Variants in VPS45 observed in about 807,000 individuals in gnomAD.
The protein encoded by VPS45 is vacuolar protein sorting 45 homolog.
In VPS45, 35 loss-of-function variants were observed where a neutral mutation model predicts 75.9. That is an observed-to-expected ratio of 0.46 (90% CI 0.35 to 0.61). The LOEUF is 0.61. VPS45 is among the 20% of genes least tolerant of loss of function. The pLI is 0.00. For missense variants in VPS45, 559 were observed against 685.9 expected (o/e 0.81, Z 2.07); for synonymous variants, 220 against 238.2 (o/e 0.92, Z 0.70).
chr1:150,140,386 GGTGTGTGTGTGT>G (rs574312693), intron 14 of VPS45, among the ~76,000 whole-genome samples: 65 of 140,430 alleles, frequency 4.6e-4, no homozygotes, highest in South Asian at 9.4e-4. Flanking sequence ...CATCACTTCT[GGTGTGTGTGTGT>G]GTGTGTGTGT....
intron 2 of VPS45, among the ~76,000 whole-genome samples, chr1:150,070,035 C>T (rs1286127989): frequency 6.6e-6 from 1 of 152,054 alleles, no homozygotes; most frequent in Non-Finnish European, 1.5e-5. Context: ...CGCTATATTC[C>T]CCTTGTCCCG....
intron 13 of VPS45, among the ~76,000 whole-genome samples, chr1:150,100,573 C>T (rs1476379894): frequency 2.0e-5 from 3 of 152,194 alleles, no homozygotes; most frequent in Admixed American, 6.5e-5. Flanking sequence ...CGTTACCCAA[C>T]TTCAAACTAT....
chr1:150,145,267 A>T lies in VPS45; in HGVS notation c.*471A>T, dbSNP rs1553816394. Reference sequence around the variant, plus strand: ...CAAAAATTTTTTGTCCCTACATAGCAATTTTCTGTGGCACTGAGAAACCAT... The same window carrying T: ...CAAAAATTTTTTGTCCCTACATAGCTATTTTCTGTGGCACTGAGAAACCAT... On this transcript the variant is annotated 3_prime_UTR_variant, in exon 15 of 15. Coordinates refer to ENST00000644510, the MANE Select transcript of VPS45 (RefSeq NM_007259.5). The T allele has an allele frequency of 5.5e-6, 1 of 181,658 alleles. No homozygotes were observed. Among genetic ancestry groups the T allele is most frequent in the East Asian group, 1.3e-4 (1 of 7,648 alleles). The allele number at this position is 181,658 out of a possible 1,614,324, so 11.3% of individuals were successfully genotyped here.
At chr1:150,113,815 A>C (rs1657777585) in intron 14 of VPS45, among the ~76,000 whole-genome samples, 1 of 151,920 alleles carries the variant, frequency 6.6e-6, no homozygotes, top group East Asian at 1.9e-4. Context: ...AGAATGCTTG[A>C]ACCTGGGAGG....
intron 14 of VPS45, among the ~76,000 whole-genome samples, chr1:150,122,084 G>A (rs1658264163): frequency 6.6e-6 from 1 of 152,116 alleles, no homozygotes; most frequent in African/African-American, 2.4e-5. Context: ...ACTTTGGGGG[G>A]CCAAGGCGGC....
Position 150,096,134 on chromosome 1 carries a change from G to A in VPS45, c.1493+2486G>A, listed in dbSNP as rs587598258. ...AGGAGAAACAGAGTTTTGTTGTTCA[G>A]TTGGAGATGTCTATTAGATAACAAG... On this transcript the variant is annotated intron_variant, in intron 13 of 14. Coordinates refer to ENST00000644510, the MANE Select transcript of VPS45 (RefSeq NM_007259.5). Among the ~76,000 whole-genome samples the A allele has an allele frequency of 1.5e-4, 23 of 152,318 alleles. No homozygotes were observed. The South Asian group carries it at 3.9e-3, about 26-fold the overall frequency.
chr1:150,103,383 T>A (rs1657147183), intron 13 of VPS45, among the ~76,000 whole-genome samples: 1 of 152,208 alleles, frequency 6.6e-6, no homozygotes, highest in South Asian at 2.1e-4. Flanking sequence ...TCATAGACGT[T>A]CTTCCTTAAG....
intron 14 of VPS45, 56 bp from the exon 15 acceptor site, chr1:150,144,653 C>T: frequency 6.8e-7 from 1 of 1,474,126 alleles, no homozygotes; most frequent in Non-Finnish European, 9.3e-7. Context: ...GCAAGACATT[C>T]TATTTTTGGA....
intron 14 of VPS45, among the ~76,000 whole-genome samples, chr1:150,131,345 C>A (rs1305178797): frequency 6.6e-6 from 1 of 151,988 alleles, no homozygotes; most frequent in African/African-American, 2.4e-5. Flanking sequence ...CCCATCTCTA[C>A]TATAAATACA....
At chr1:150,094,464 T>C (rs1162187917) in intron 13 of VPS45, among the ~76,000 whole-genome samples, 5 of 152,154 alleles carry the variant, frequency 3.3e-5, no homozygotes, top group Admixed American at 2.6e-4. Context: ...TTGAGATACA[T>C]AGGTGATTCT....
intron 14 of VPS45, among the ~76,000 whole-genome samples, chr1:150,122,537 G>A (rs587724630): frequency 1.3e-5 from 2 of 152,088 alleles, no homozygotes; most frequent in Admixed American, 6.6e-5. Flanking sequence ...ATACTGTGAG[G>A]ACTGCTTTTC....
At chr1:150,101,160 G>A (rs587756314) in intron 13 of VPS45, among the ~76,000 whole-genome samples, 2 of 151,788 alleles carry the variant, frequency 1.3e-5, no homozygotes, top group South Asian at 2.1e-4. Flanking sequence ...ATTGTGCCAC[G>A]GGAGGCTGAG....
At chr1:150,124,174 A>C (rs182982862) in intron 14 of VPS45, among the ~76,000 whole-genome samples, 1 of 152,288 alleles carries the variant, frequency 6.6e-6, no homozygotes, top group Admixed American at 6.5e-5. Context: ...GTTAAAAGGA[A>C]ATGAGGCTGA....
rs1448366585 is a variant in VPS45 at position 150,124,633 on chromosome 1, C to G, written c.1625+14006C>G. Among the ~76,000 whole-genome samples, 5 of 150,988 alleles carry G rather than the reference C, an allele frequency of 3.3e-5. No homozygotes were observed. The East Asian group carries it at 7.8e-4, about 24-fold the overall frequency. ...CACAATCCCGCCTCACTCCAACCCC[C>G]CTACCTCCCGGATTTAAGTAATTCT... On this transcript the variant is annotated intron_variant, in intron 14 of 14. Coordinates refer to ENST00000644510, the MANE Select transcript of VPS45 (RefSeq NM_007259.5).
chr1:150,096,296 A>G (rs1347107463), intron 13 of VPS45, among the ~76,000 whole-genome samples: 4 of 152,258 alleles, frequency 2.6e-5, no homozygotes, highest in African/African-American at 9.6e-5. Context: ...GTATTGGATC[A>G]TGACAAAGGT....
At chr1:150,120,049 G>A (rs587740679) in intron 14 of VPS45, among the ~76,000 whole-genome samples, 81 of 152,172 alleles carry the variant, frequency 5.3e-4, no homozygotes, top group Non-Finnish European at 9.0e-4. Context: ...CAGAGGTTGC[G>A]ATGAGCTGAG....
chr1:150,140,835 A>C (rs1178210756), intron 14 of VPS45, among the ~76,000 whole-genome samples: 1 of 152,226 alleles, frequency 6.6e-6, no homozygotes, highest in Non-Finnish European at 1.5e-5. Context: ...AACACAGTAT[A>C]TTTACAAGAT....
chr1:150,091,960 C>A lies in VPS45; in HGVS notation c.1128C>A (p.Asn376Lys). Residue 376 changes from asparagine (N) to lysine (K), a missense_variant, in exon 11 of 15, where the codon AAC (asparagine) becomes AAA (lysine). By Grantham distance (94) the Asn-to-Lys change is moderately conservative (BLOSUM62 0). Coordinates refer to ENST00000644510, the MANE Select transcript of VPS45 (RefSeq NM_007259.5). ...ALQNIKRLLQNPKVTEFDAAR... is the reference protein window; with the variant it reads ...ALQNIKRLLQKPKVTEFDAAR... ...AGAATATAAAAAGGCTTCTGCAGAA[C>A]CCCAAAGTGACAGAGTTTGATGCTG... is the stretch of plus-strand genomic sequence containing the variant. 6.2e-7 allele frequency: 1 copy of A among 1,613,854 alleles called. No homozygotes were observed. The highest frequency in any genetic ancestry group is 8.5e-7 in the Non-Finnish European group (1 of 1,179,930).
intron 3 of VPS45, among the ~76,000 whole-genome samples, chr1:150,073,309 A>T (rs1423338679): frequency 1.3e-5 from 2 of 152,196 alleles, no homozygotes; most frequent in African/African-American, 4.8e-5. Context: ...TAGGGTTTAG[A>T]CTACAGTCTA....
Sources: gnomAD v4.1 joint callset for allele counts (sites outside exome capture counted in the v4.1 genomes callset) on GRCh38, gnomAD v4.1.1 for gene constraint, MANE v1.5 for transcripts, NCBI Gene and HGNC (gene_info 2026-07-23, HGNC 2026-07-21) for gene names.